RARB: variants seen among roughly 807,000 people sequenced by gnomAD.
RARB encodes the protein HBV-activated protein.
Under a neutral mutation model 51.9 loss-of-function variants are expected in RARB, and 17 were observed. That is an observed-to-expected ratio of 0.33 (90% CI 0.22 to 0.49). The LOEUF (loss-of-function observed/expected upper bound fraction) is 0.49. Among genes scored for constraint, RARB ranks in the 20% least tolerant of loss-of-function variants. The pLI, the probability that RARB is intolerant of heterozygous loss-of-function variation, is 0.99. For synonymous variants in RARB, 215 were observed against 195.4 expected (o/e 1.10, Z -0.84); for missense variants, 369 against 550.8 (o/e 0.67, Z 3.30).
At chr3:25,081,939 A>G (rs114724758) in intron 3 of RARB, among the ~76,000 whole-genome samples, 7,126 of 151,702 alleles carry the variant, frequency 0.047, 304 homozygotes, top group African/African-American at 0.1. Context: ...GGCCTGCTTC[A>G]TATATTTTTA....
At chr3:25,227,100 G>A (rs1335968155) in intron 5 of RARB, among the ~76,000 whole-genome samples, 3 of 152,218 alleles carry the variant, frequency 2.0e-5, no homozygotes, top group Non-Finnish European at 2.9e-5. Flanking sequence ...GAGACATGCA[G>A]GGCTGGGACA....
At chr3:24,945,633 T>C (rs1246212522) in intron 2 of RARB, among the ~76,000 whole-genome samples, 1 of 152,378 alleles carries the variant, frequency 6.6e-6, no homozygotes, top group African/African-American at 2.4e-5. Context: ...CAGAATCTTA[T>C]CCTTGGCGAT....
chr3:24,897,217 C>A (rs1399688957), intron 2 of RARB, among the ~76,000 whole-genome samples: 1 of 152,130 alleles, frequency 6.6e-6, no homozygotes, highest in South Asian at 2.1e-4. Context: ...TAACCTTAGG[C>A]GTAGCTGTTT....
At position 25,494,276 on chromosome 3, in the gene RARB, C is replaced by CACAT. The variant is rs779693410; in HGVS notation, c.307-6905_307-6902dup. Among the ~76,000 whole-genome samples, 799 of 144,944 alleles carry CACAT rather than the reference C, an allele frequency of 5.5e-3. 4 individuals carry two copies. The highest frequency in any genetic ancestry group is 9.0e-3 in the Non-Finnish European group (573 of 63,350). On this transcript the variant is annotated intron_variant, in intron 2 of 7. Transcript: ENST00000330688. ...ACGCACACACACACACACACACACACACATGCCATCATTTACATCTCTGCC... is the reference window on the plus strand; with the variant it reads ...ACGCACACACACACACACACACACACACATACATGCCATCATTTACATCTCTGCC...
At chr3:25,088,143 G>A (rs953596577) in intron 3 of RARB, among the ~76,000 whole-genome samples, 1 of 151,952 alleles carries the variant, frequency 6.6e-6, no homozygotes, top group Non-Finnish European at 1.5e-5. Flanking sequence ...AATTCATATG[G>A]ATCAAAACAT....
intron 2 of RARB, among the ~76,000 whole-genome samples, chr3:24,925,106 T>C (rs369841320): frequency 6.6e-6 from 1 of 152,056 alleles, no homozygotes; most frequent in African/African-American, 2.4e-5. Flanking sequence ...AGCCCTCTCA[T>C]ATGCATTAAC....
intron 3 of RARB, among the ~76,000 whole-genome samples, chr3:25,537,224 G>A (rs1401353653): frequency 6.6e-6 from 1 of 152,210 alleles, no homozygotes; most frequent in Non-Finnish European, 1.5e-5. Context: ...CTGCTGACAG[G>A]AAAGCGGCTG....
intron 3 of RARB, among the ~76,000 whole-genome samples, chr3:25,556,637 A>G (rs912989422): frequency 6.6e-6 from 1 of 152,200 alleles, no homozygotes. Context: ...CTCTTGGCCA[A>G]AGTTTCCTCA....
At chr3:25,487,085 G>C (rs1575450344) in intron 2 of RARB, among the ~76,000 whole-genome samples, 2 of 152,160 alleles carry the variant, frequency 1.3e-5, no homozygotes, top group African/African-American at 4.8e-5. Flanking sequence ...TTTTGTGCTG[G>C]GATGGTGATG....
chr3:25,013,868 A>G (rs1286756243), intron 2 of RARB, among the ~76,000 whole-genome samples: 3 of 152,082 alleles, frequency 2.0e-5, no homozygotes, highest in African/African-American at 7.2e-5. Flanking sequence ...ACAGGAACAC[A>G]ACTAAAACTA....
At chr3:24,864,361 C>T (rs1184822596) in intron 2 of RARB, among the ~76,000 whole-genome samples, 1 of 152,084 alleles carries the variant, frequency 6.6e-6, no homozygotes, top group Non-Finnish European at 1.5e-5. Flanking sequence ...TTTTTTCTTC[C>T]TTTGCTGTCC....
At chr3:25,403,843 A>C (rs1707330698) in intron 5 of RARB, among the ~76,000 whole-genome samples, 1 of 150,396 alleles carries the variant, frequency 6.6e-6, no homozygotes, top group Non-Finnish European at 1.5e-5. Context: ...CATTAGAAAA[A>C]AAAAAAAGAT....
At chr3:25,054,073 C>G (rs1698391508) in intron 2 of RARB, among the ~76,000 whole-genome samples, 1 of 152,082 alleles carries the variant, frequency 6.6e-6, no homozygotes. Flanking sequence ...GACACAGTTC[C>G]AGTACAGCTT....
chr3:24,998,968 TA>T (rs1487811834), intron 2 of RARB, among the ~76,000 whole-genome samples: 2 of 152,048 alleles, frequency 1.3e-5, no homozygotes, highest in Admixed American at 6.6e-5. Context: ...ATCCTTACCC[TA>T]AAAATGAAAA....
intron 1 of RARB, among the ~76,000 whole-genome samples, chr3:24,840,611 C>A (rs1183923306): frequency 6.6e-6 from 1 of 152,002 alleles, no homozygotes; most frequent in Non-Finnish European, 1.5e-5. Context: ...ACCAAGTTTC[C>A]TAACTCATGG....
chr3:25,469,520 T>C (rs1695592669), intron 2 of RARB, among the ~76,000 whole-genome samples: 1 of 152,222 alleles, frequency 6.6e-6, no homozygotes, highest in Non-Finnish European at 1.5e-5. Context: ...GAATGAATTA[T>C]GAAACCTGCC....
intron 3 of RARB, among the ~76,000 whole-genome samples, chr3:25,071,249 T>A (rs1698760384): frequency 6.6e-6 from 1 of 152,182 alleles, no homozygotes; most frequent in African/African-American, 2.4e-5. Flanking sequence ...TAGCAGGAAA[T>A]TTAGATCCAA....
intron 5 of RARB, among the ~76,000 whole-genome samples, chr3:25,205,240 TCTC>T: frequency 6.6e-6 from 1 of 152,262 alleles, no homozygotes; most frequent in Middle Eastern, 3.4e-3. Flanking sequence ...CGGGATATAA[TCTC>T]CTGCTGTGCA....
At chr3:25,288,999 A>G (rs1559345358) in intron 5 of RARB, among the ~76,000 whole-genome samples, 1 of 152,226 alleles carries the variant, frequency 6.6e-6, no homozygotes, top group Non-Finnish European at 1.5e-5. Context: ...CCCATGAACC[A>G]ATGATGATAA....
Sources: gnomAD v4.1 joint callset for allele counts (sites outside exome capture counted in the v4.1 genomes callset) on GRCh38, gnomAD v4.1.1 for gene constraint, MANE v1.5 for transcripts, NCBI Gene and HGNC (gene_info 2026-07-23, HGNC 2026-07-21) for gene names.